SEZ6L: variants seen among roughly 807,000 people sequenced by gnomAD.
The protein encoded by SEZ6L is seizure 6-like protein.
In SEZ6L, 37 loss-of-function variants were observed where a neutral mutation model predicts 106.2. That is an observed-to-expected ratio of 0.35 (90% confidence interval 0.27 to 0.46). The LOEUF is 0.46. Ranked by LOEUF, SEZ6L falls within the 20% of genes least tolerant of loss-of-function variation. The pLI is 1.00. For missense variants in SEZ6L, 1,172 were observed against 1,332.8 expected (o/e 0.88, Z 1.88); for synonymous variants, 541 against 570.4 (o/e 0.95, Z 0.73).
chr22:26,273,597 C>A (rs989525147), intron 1 of SEZ6L, among the ~76,000 whole-genome samples: 1 of 152,228 alleles, frequency 6.6e-6, no homozygotes, highest in Non-Finnish European at 1.5e-5. Context: ...AATGGAGGAG[C>A]CTGGGGCTTG....
chr22:26,269,945 C>T (rs1305175749), intron 1 of SEZ6L, among the ~76,000 whole-genome samples: 1 of 152,110 alleles, frequency 6.6e-6, no homozygotes, highest in East Asian at 1.9e-4. Context: ...GAGAAGCCAG[C>T]CCAGAAGGGG....
intron 1 of SEZ6L, among the ~76,000 whole-genome samples, chr22:26,272,994 A>G (rs575883306): frequency 6.6e-6 from 1 of 152,244 alleles, no homozygotes; most frequent in Non-Finnish European, 1.5e-5. Context: ...GAGACAATGC[A>G]TGTAAAACAC....
intron 1 of SEZ6L, among the ~76,000 whole-genome samples, chr22:26,251,509 C>T (rs550590812): frequency 6.6e-6 from 1 of 152,326 alleles, no homozygotes; most frequent in African/African-American, 2.4e-5. Flanking sequence ...CCAGAAGCTA[C>T]TTCAGGGCCT....
chr22:26,378,053 C>G (rs950825420), intron 16 of SEZ6L, among the ~76,000 whole-genome samples: 1 of 152,156 alleles, frequency 6.6e-6, no homozygotes, highest in African/African-American at 2.4e-5. Flanking sequence ...AGCAGACCAA[C>G]GGTGGCCTGG....
intron 1 of SEZ6L, among the ~76,000 whole-genome samples, chr22:26,185,504 G>T (rs1939710951): frequency 6.6e-6 from 1 of 152,116 alleles, no homozygotes; most frequent in African/African-American, 2.4e-5. Flanking sequence ...CACATGAAGA[G>T]CTTTTAAAGA....
At chr22:26,295,711 A>G (rs1338375684) in intron 3 of SEZ6L, among the ~76,000 whole-genome samples, 1 of 152,210 alleles carries the variant, frequency 6.6e-6, no homozygotes, top group Non-Finnish European at 1.5e-5. Context: ...AGTAGAGTTC[A>G]TTCATTGAGC....
At chr22:26,310,877 G>A in intron 7 of SEZ6L, 41 bp downstream of exon 7, 1 of 1,592,550 alleles carries the variant, frequency 6.3e-7, no homozygotes, top group Non-Finnish European at 8.6e-7. Context: ...TGTGGGGCTG[G>A]GGGTAGCCTG....
chr22:26,380,262 G>T lies in SEZ6L; in HGVS notation c.3046-4G>T. 6.2e-7 allele frequency: 1 copy of T among 1,613,544 alleles called. No individual in the cohort carries two copies. ...TGACAAATCCGTGCTTCTCTCTCTT[G>T]CAGGAAACCAGAGAGTATGAGGTTT... On this transcript the variant is annotated splice_polypyrimidine_tract_variant and splice_region_variant and intron_variant, in intron 16 of 16. Transcript: ENST00000248933.
In SEZ6L at chr22:26,269,886, G is replaced by A. The variant is rs75357448; in HGVS notation, c.95-22520G>A. On this transcript the variant is annotated intron_variant, in intron 1 of 16. Transcript: ENST00000248933. ...CTATGGCCAATGAGTTGTCATTCTC[G>A]TGTTACAAGTCAAGTGCACAAAGGA... 4.4e-3 allele frequency among the ~76,000 whole-genome samples: 677 copies of A among 152,178 alleles called. 4 individuals carry two copies. Among genetic ancestry groups the A allele is most frequent in the African/African-American group, 0.015 (631 of 41,518 alleles).
intron 1 of SEZ6L, among the ~76,000 whole-genome samples, chr22:26,261,542 C>T (rs564274004): frequency 6.6e-6 from 1 of 152,142 alleles, no homozygotes; most frequent in Non-Finnish European, 1.5e-5. Context: ...TTATTGACCA[C>T]TTACTGTACT....
At chr22:26,178,349 G>A (rs747964020) in intron 1 of SEZ6L, among the ~76,000 whole-genome samples, 1 of 152,186 alleles carries the variant, frequency 6.6e-6, no homozygotes, top group African/African-American at 2.4e-5. Context: ...CAAGGCCCAG[G>A]CTAGGTATCC....
intron 9 of SEZ6L, among the ~76,000 whole-genome samples, chr22:26,340,126 C>G (rs567541650): frequency 6.6e-6 from 1 of 152,232 alleles, no homozygotes; most frequent in South Asian, 2.1e-4. Flanking sequence ...GTCCCAGCTA[C>G]TCGGGAGGCT....
intron 1 of SEZ6L, among the ~76,000 whole-genome samples, chr22:26,284,705 G>A (rs959057443): frequency 9.3e-5 from 14 of 150,692 alleles, no homozygotes; most frequent in African/African-American, 3.2e-4. Context: ...TGAACAGAAC[G>A]TAGGAGAGAA....
chr22:26,378,883 T>C (rs181121488), intron 16 of SEZ6L, among the ~76,000 whole-genome samples: 1 of 152,356 alleles, frequency 6.6e-6, no homozygotes, highest in Non-Finnish European at 1.5e-5. Flanking sequence ...TGATCTCCTG[T>C]GTTAGTTATC....
chr22:26,382,200 G>A lies in SEZ6L; in HGVS notation c.*1905G>A. On this transcript the variant is annotated 3_prime_UTR_variant, in exon 17 of 17. Coordinates refer to ENST00000248933, the MANE Select transcript of SEZ6L (RefSeq NM_021115.5). ...CATTTAATGCAAGAACCAGAGAAGT[G>A]TTCTAGGCCATTAGTGGACAATGTC... 3.1e-6 allele frequency: 1 copy of A among 319,304 alleles called. No individual in the cohort carries two copies. The highest frequency in any genetic ancestry group is 6.3e-6 in the Non-Finnish European group (1 of 158,566). The allele number at this position is 319,304 out of a possible 1,614,324, so 19.8% of individuals were successfully genotyped here.
intron 12 of SEZ6L, among the ~76,000 whole-genome samples, chr22:26,362,689 G>A (rs9625021): frequency 0.032 from 4,895 of 152,204 alleles, 264 homozygotes; most frequent in African/African-American, 0.11. Context: ...ATGGGTGCCC[G>A]CCAGAGCTAT....
At chr22:26,230,247 T>A (rs1279687435) in intron 1 of SEZ6L, among the ~76,000 whole-genome samples, 1 of 151,852 alleles carries the variant, frequency 6.6e-6, no homozygotes, top group Non-Finnish European at 1.5e-5. Flanking sequence ...ATCAAGCCCC[T>A]CACTTTACAA....
intron 9 of SEZ6L, among the ~76,000 whole-genome samples, chr22:26,333,272 C>T (rs989684527): frequency 2.6e-5 from 4 of 152,204 alleles, no homozygotes; most frequent in Admixed American, 6.5e-5. Context: ...AGTGGCCTCT[C>T]AGGCATGCAG....
chr22:26,269,104 C>T lies in SEZ6L; in HGVS notation c.95-23302C>T, dbSNP rs145235440. ...TGATTAACTGTGATGCTGTTCAATG[C>T]TGTGCTGGTATAATGGCATGGTTGG... On this transcript the variant is annotated intron_variant, in intron 1 of 16. Transcript: ENST00000248933. 9.3e-3 allele frequency among the ~76,000 whole-genome samples: 1,412 copies of T among 152,280 alleles called. 17 individuals are homozygous for T. The highest frequency in any genetic ancestry group is 0.032 in the African/African-American group (1,348 of 41,546).
Sources: allele counts gnomAD v4.1 joint callset (sites outside exome capture counted in the v4.1 genomes callset), GRCh38; gene constraint gnomAD v4.1.1; transcripts MANE v1.5; gene names NCBI Gene and HGNC (gene_info 2026-07-23, HGNC 2026-07-21).